CNTNAP4: variants seen among roughly 807,000 people sequenced by gnomAD.
The protein encoded by CNTNAP4 is contactin associated protein family member 4.
In CNTNAP4, 98 loss-of-function variants were observed where a neutral mutation model predicts 148.4. That is an observed-to-expected ratio of 0.66 (90% CI 0.56 to 0.78). CNTNAP4 has a LOEUF of 0.78. CNTNAP4 is among the 30% of genes least tolerant of loss of function. CNTNAP4 has a pLI of 0.00. For missense variants in CNTNAP4, 1,935 were observed against 1,565.6 expected (o/e 1.24, Z -3.98); for synonymous variants, 730 against 565.1 (o/e 1.29, Z -4.14).
chr16:76,408,615 A>C (rs1286927325), intron 3 of CNTNAP4, among the ~76,000 whole-genome samples: 1 of 152,032 alleles, frequency 6.6e-6, no homozygotes, highest in Non-Finnish European at 1.5e-5. Flanking sequence ...TTTGTGTGCA[A>C]ATTCCTGAAA....
At chr16:76,306,440 G>C (rs989313601) in intron 1 of CNTNAP4, among the ~76,000 whole-genome samples, 1 of 152,058 alleles carries the variant, frequency 6.6e-6, no homozygotes. Flanking sequence ...AAAATCCCAC[G>C]TGAATGCAAT....
chr16:76,539,227 A>G (rs2084347107), intron 19 of CNTNAP4, among the ~76,000 whole-genome samples: 1 of 152,054 alleles, frequency 6.6e-6, no homozygotes, highest in Non-Finnish European at 1.5e-5. Flanking sequence ...AAAATCATTC[A>G]TCTTACCATT....
chr16:76,293,986 A>AT lies in CNTNAP4; in HGVS notation c.85+16239_85+16240insT, dbSNP rs1959181807. On this transcript the variant is annotated intron_variant, in intron 1 of 23. Transcript: ENST00000611870. Reference sequence around the variant, plus strand: ...CTCAGAGCAAGAGAGGCAAACAGAGAAAGTCCCTGTCTGTCTATCTAGTTT... The same window carrying AT: ...CTCAGAGCAAGAGAGGCAAACAGAGATAAGTCCCTGTCTGTCTATCTAGTTT... 2.0e-5 allele frequency among the ~76,000 whole-genome samples: 3 copies of AT among 152,274 alleles called. No homozygotes were observed. In the South Asian group the frequency reaches 6.2e-4, roughly 32 times the overall value.
At chr16:76,296,817 G>A (rs948095813) in intron 1 of CNTNAP4, among the ~76,000 whole-genome samples, 1 of 152,160 alleles carries the variant, frequency 6.6e-6, no homozygotes, top group African/African-American at 2.4e-5. Context: ...GATACCCCAA[G>A]CATTGAGAAG....
intron 10 of CNTNAP4, among the ~76,000 whole-genome samples, chr16:76,472,815 G>A (rs563142155): frequency 1.1e-3 from 170 of 152,244 alleles, no homozygotes; most frequent in African/African-American, 3.5e-3. Context: ...GTTGGAGGGT[G>A]GGAGGAGGGA....
At chr16:76,374,751 T>TTATTAG (rs1555536536) in intron 3 of CNTNAP4, among the ~76,000 whole-genome samples, 29 of 127,056 alleles carry the variant, frequency 2.3e-4, no homozygotes, top group African/African-American at 5.2e-4. Flanking sequence ...ACTATTATTA[T>TTATTAG]TATTATTATT....
chr16:76,436,921 CA>C (rs1206720276), intron 4 of CNTNAP4, among the ~76,000 whole-genome samples: 1 of 151,882 alleles, frequency 6.6e-6, no homozygotes, highest in Non-Finnish European at 1.5e-5. Flanking sequence ...CTCCTGGTAC[CA>C]AAATCTGTAT....
At chr16:76,307,047 G>T (rs1175777360) in intron 1 of CNTNAP4, among the ~76,000 whole-genome samples, 1 of 152,056 alleles carries the variant, frequency 6.6e-6, no homozygotes, top group Admixed American at 6.6e-5. Context: ...ACAATAGATG[G>T]TTAAGCACAC....
chr16:76,308,617 A>C (rs1421198627), intron 1 of CNTNAP4, among the ~76,000 whole-genome samples: 2 of 152,230 alleles, frequency 1.3e-5, no homozygotes, highest in Non-Finnish European at 1.5e-5. Context: ...TGAAAGGAAC[A>C]ATGCTCATCA....
In CNTNAP4 at chr16:76,558,879, A is replaced by T. The variant is rs1016828415; in HGVS notation, c.*196A>T. Reference sequence around the variant, plus strand: ...ATTTCTCATAGCATTCATTCTATGGAACAAGAAATTAGATATTGCTGTTAA... The same window carrying T: ...ATTTCTCATAGCATTCATTCTATGGTACAAGAAATTAGATATTGCTGTTAA... On this transcript the variant is annotated 3_prime_UTR_variant, in exon 24 of 24. Coordinates refer to ENST00000611870, the MANE Select transcript of CNTNAP4 (RefSeq NM_033401.5). 9.0e-6 allele frequency: 4 copies of T among 444,398 alleles called. No individual in the cohort carries two copies. The highest frequency in any genetic ancestry group is 2.0e-5 in the African/African-American group (1 of 49,728). The allele number at this position is 444,398 out of a possible 1,614,324, so 27.5% of individuals were successfully genotyped here.
At chr16:76,282,921 C>A (rs941652857) in intron 1 of CNTNAP4, among the ~76,000 whole-genome samples, 4 of 150,696 alleles carry the variant, frequency 2.7e-5, no homozygotes, top group African/African-American at 9.7e-5. Context: ...TTTATTTTTT[C>A]ATTATATTGT....
intron 2 of CNTNAP4, among the ~76,000 whole-genome samples, chr16:76,344,113 T>A (rs569441770): frequency 2.0e-4 from 31 of 152,184 alleles, no homozygotes; most frequent in Non-Finnish European, 3.8e-4. Flanking sequence ...TACCACCCTA[T>A]CAGTCTATTG....
intron 3 of CNTNAP4, among the ~76,000 whole-genome samples, chr16:76,373,770 C>T (rs1235380240): frequency 6.6e-6 from 1 of 151,884 alleles, no homozygotes; most frequent in East Asian, 1.9e-4. Flanking sequence ...TGGCAGGCGC[C>T]TGTAATCCCA....
intron 14 of CNTNAP4, among the ~76,000 whole-genome samples, chr16:76,496,309 TAGC>T (rs966154535): frequency 6.6e-6 from 1 of 152,056 alleles, no homozygotes; most frequent in Admixed American, 6.6e-5. Context: ...TAGTAATGCT[TAGC>T]AACAATAAAA....
At chr16:76,323,004 T>A in intron 2 of CNTNAP4, among the ~76,000 whole-genome samples, 1 of 151,840 alleles carries the variant, frequency 6.6e-6, no homozygotes, top group Non-Finnish European at 1.5e-5. Flanking sequence ...CCACCTAATT[T>A]TTTTTGTTGT....
At chr16:76,360,380 A>G (rs2013257678) in intron 3 of CNTNAP4, among the ~76,000 whole-genome samples, 1 of 152,210 alleles carries the variant, frequency 6.6e-6, no homozygotes, top group African/African-American at 2.4e-5. Flanking sequence ...AAGTCAAATA[A>G]GGGCCTAGGG....
At chr16:76,555,968 C>T (rs1364543487) in intron 23 of CNTNAP4, among the ~76,000 whole-genome samples, 3 of 152,108 alleles carry the variant, frequency 2.0e-5, no homozygotes, top group Non-Finnish European at 4.4e-5. Flanking sequence ...CATAATGTAT[C>T]GTCCTCCAGT....
At chr16:76,332,756 G>A (rs1963650968) in intron 2 of CNTNAP4, among the ~76,000 whole-genome samples, 1 of 151,642 alleles carries the variant, frequency 6.6e-6, no homozygotes, top group Admixed American at 6.6e-5. Context: ...ATCATATTCA[G>A]GGATCTTGGG....
At chr16:76,458,213 T>G (rs1421484273) in intron 8 of CNTNAP4, among the ~76,000 whole-genome samples, 2 of 152,270 alleles carry the variant, frequency 1.3e-5, no homozygotes, top group East Asian at 3.9e-4. Context: ...GGCACCTAGG[T>G]TGATTCCATG....
Sources: allele counts gnomAD v4.1 joint callset (sites outside exome capture counted in the v4.1 genomes callset), GRCh38; gene constraint gnomAD v4.1.1; transcripts MANE v1.5; gene names NCBI Gene and HGNC (gene_info 2026-07-23, HGNC 2026-07-21).